The following CRACD variants were observed in gnomAD, a reference collection of about 807,000 sequenced individuals.
The protein encoded by CRACD is capping protein inhibiting regulator of actin dynamics, also known as capping protein-inhibiting regulator of actin dynamics.
A neutral mutation model predicts 106.8 loss-of-function variants in CRACD; 56 were observed. The ratio of observed to expected loss-of-function variants is 0.52; its 90% CI spans 0.42 to 0.66. CRACD has a LOEUF of 0.66. Ranked by LOEUF, CRACD falls within the 30% of genes least tolerant of loss-of-function variation. The pLI, the probability that CRACD is intolerant of heterozygous loss-of-function variation, is 0.00. For synonymous variants in CRACD, 754 were observed against 670.8 expected (o/e 1.12, Z -1.92); for missense variants, 1,730 against 1,623.2 (o/e 1.07, Z -1.13).
At chr4:56,144,719 A>G (rs1735319177) in intron 1 of CRACD, among the ~76,000 whole-genome samples, 1 of 151,158 alleles carries the variant, frequency 6.6e-6, no homozygotes, top group South Asian at 2.1e-4. Context: ...GCAGTGGCAC[A>G]ATCTCAGCTC....
At chr4:56,264,238 G>A (rs556669659) in intron 2 of CRACD, among the ~76,000 whole-genome samples, 9 of 152,072 alleles carry the variant, frequency 5.9e-5, no homozygotes, top group African/African-American at 1.9e-4. Flanking sequence ...TCCAACACTC[G>A]GGATCACAAT....
At chr4:56,296,887 G>T (rs1744072473) in intron 3 of CRACD, among the ~76,000 whole-genome samples, 1 of 151,374 alleles carries the variant, frequency 6.6e-6, no homozygotes, top group Non-Finnish European at 1.5e-5. Context: ...TACTTCTGCT[G>T]CTTCCTCTTT....
Position 56,316,705 on chromosome 4 carries a change from G to A in CRACD, c.3187+16G>A. The A allele has an allele frequency of 6.3e-7, 1 of 1,590,638 alleles. No individual in the cohort carries two copies. Among genetic ancestry groups the A allele is most frequent in the East Asian group, 2.2e-5 (1 of 44,544 alleles). ...GGGAGGAAAGGTAGGTAGCTGCAGG[G>A]TGGGTAACTGCTGCCAGCCGAGGTG... On this transcript the variant is annotated intron_variant, in intron 8 of 10. Coordinates refer to ENST00000682029, the MANE Select transcript of CRACD (RefSeq NM_001393381.1).
intron 1 of CRACD, among the ~76,000 whole-genome samples, chr4:56,093,717 G>C (rs1465731749): frequency 6.6e-6 from 1 of 152,208 alleles, no homozygotes; most frequent in Non-Finnish European, 1.5e-5. Flanking sequence ...CTACAAAAGT[G>C]ACAATATCAG....
At chr4:56,226,864 C>T (rs200257100) in intron 2 of CRACD, among the ~76,000 whole-genome samples, 1 of 143,144 alleles carries the variant, frequency 7.0e-6, no homozygotes, top group East Asian at 3.1e-4. Context: ...CTCTTTCTCT[C>T]TCTCTCTCTC....
chr4:56,060,342 A>G (rs1055102837), intron 1 of CRACD, among the ~76,000 whole-genome samples: 1 of 126,682 alleles, frequency 7.9e-6, no homozygotes, highest in Non-Finnish European at 1.6e-5. Context: ...AGTGGACTGC[A>G]ATGGACAAAG....
chr4:56,317,830 G>A (rs1244914316), intron 8 of CRACD, among the ~76,000 whole-genome samples: 1 of 146,992 alleles, frequency 6.8e-6, no homozygotes, highest in Admixed American at 7.2e-5. Context: ...CTTACCTCTG[G>A]CTGACCCTGA....
At position 56,217,373 on chromosome 4, in the gene CRACD, C is replaced by T. The variant is rs544750235; in HGVS notation, c.-189+37943C>T. Among the ~76,000 whole-genome samples the T allele has an allele frequency of 1.6e-4, 21 of 134,306 alleles. 1 individual carries two copies. The South Asian group carries it at 5.4e-3, about 35-fold the overall frequency. 88.1% of individuals were successfully genotyped at this position (134,306 alleles called of 152,430 possible). A position where few individuals can be genotyped will look rare whatever the true frequency, so the allele number is the denominator to read the frequency against. ...CTTGGTTTTATACATTTTAGAGAGA[C>T]ATAAGATATCAATCAATACATGTAA... is the stretch of plus-strand genomic sequence containing the variant. On this transcript the variant is annotated intron_variant, in intron 2 of 10. Transcript: ENST00000682029.
At chr4:56,131,866 C>T (rs2109866132) in intron 1 of CRACD, among the ~76,000 whole-genome samples, 1 of 151,992 alleles carries the variant, frequency 6.6e-6, no homozygotes, top group East Asian at 1.9e-4. Flanking sequence ...GTATATATAA[C>T]AAATACATCA....
chr4:56,125,305 A>T (rs1370586681), intron 1 of CRACD, among the ~76,000 whole-genome samples: 1 of 152,192 alleles, frequency 6.6e-6, no homozygotes, highest in Non-Finnish European at 1.5e-5. Context: ...TCCTGTAAAG[A>T]AAAGTCTTTG....
Position 56,053,862 on chromosome 4 carries a change from A to C in CRACD, c.-336+4563A>C, listed in dbSNP as rs1016523791. Among the ~76,000 whole-genome samples, 4 of 152,336 alleles carry C rather than the reference A, an allele frequency of 2.6e-5. 1 individual carries two copies. In the Middle Eastern group the frequency reaches 0.014, roughly 518 times the overall value. On this transcript the variant is annotated intron_variant, in intron 1 of 10. Transcript: ENST00000682029. ...TTTGAGTAGCCATATATTTCTGTTC[A>C]TCAGTCTTTTTAAATTAAGATTTGA... is the stretch of plus-strand genomic sequence containing the variant.
chr4:56,109,920 C>G (rs1473261288), intron 1 of CRACD, among the ~76,000 whole-genome samples: 1 of 151,732 alleles, frequency 6.6e-6, no homozygotes, highest in Non-Finnish European at 1.5e-5. Context: ...AGTAAGTTAT[C>G]AAGGAAATAA....
At chr4:56,155,191 T>TCCAA (rs1577698160) in intron 1 of CRACD, among the ~76,000 whole-genome samples, 1 of 152,198 alleles carries the variant, frequency 6.6e-6, no homozygotes, top group East Asian at 1.9e-4. Context: ...AGATCCAAGC[T>TCCAA]GAAGGAGGGG....
At position 56,088,727 on chromosome 4, in the gene CRACD, C is replaced by CT. The variant is rs749058870; in HGVS notation, c.-336+39438dup. 3.8e-4 allele frequency among the ~76,000 whole-genome samples: 56 copies of CT among 147,390 alleles called. No homozygotes were observed. In the East Asian group the frequency reaches 4.0e-3, roughly 11 times the overall value. The stretch of plus-strand genomic sequence containing the variant: ...ATAATTGAACAAATTATATACTGTA[C>CT]TTTTTTTTTTGACGGAATCTTGCTC... On this transcript the variant is annotated intron_variant, in intron 1 of 10. Coordinates refer to ENST00000682029, the MANE Select transcript of CRACD (RefSeq NM_001393381.1).
chr4:56,139,764 G>GA (rs907558696), intron 1 of CRACD, among the ~76,000 whole-genome samples: 2 of 151,712 alleles, frequency 1.3e-5, no homozygotes, highest in African/African-American at 2.4e-5. Context: ...TTACTTAAGA[G>GA]AAAAAAAATG....
chr4:56,149,661 A>G (rs1201266384), intron 1 of CRACD, among the ~76,000 whole-genome samples: 1 of 152,230 alleles, frequency 6.6e-6, no homozygotes, highest in Non-Finnish European at 1.5e-5. Context: ...TAGTACAGTG[A>G]AATAGTCTCA....
Position 56,324,185 on chromosome 4 carries a change from A to G in CRACD, c.3460A>G (p.Lys1154Glu). The stretch of plus-strand genomic sequence containing the variant: ...CAAGTCCACTGCTCTGCCAGAAGAG[A>G]AGAGGCCCGAGACTGCAGTGTCCAG... ...LHKSTALPEE[K>E]RPETAVSRLE... Residue 1154 changes from lysine (K) to glutamate (E), a missense_variant, in exon 10 of 11, where the codon AAG (lysine) becomes GAG (glutamate). Coordinates refer to ENST00000682029, the MANE Select transcript of CRACD (RefSeq NM_001393381.1). 1 of 1,614,202 alleles carries G rather than the reference A, an allele frequency of 6.2e-7. No homozygotes were observed. The highest frequency in any genetic ancestry group is 8.5e-7 in the Non-Finnish European group (1 of 1,179,996).
At chr4:56,187,898 C>G (rs957394365) in intron 2 of CRACD, among the ~76,000 whole-genome samples, 1 of 152,034 alleles carries the variant, frequency 6.6e-6, no homozygotes, top group East Asian at 1.9e-4. Context: ...AAAATGTCCT[C>G]CACTACTGTT....
chr4:56,224,917 C>G (rs1739222332), intron 2 of CRACD, among the ~76,000 whole-genome samples: 1 of 152,150 alleles, frequency 6.6e-6, no homozygotes, highest in African/African-American at 2.4e-5. Context: ...AAGTTGGGAG[C>G]CAACTGTCCT....
Sources: allele counts gnomAD v4.1 joint callset (sites outside exome capture counted in the v4.1 genomes callset), GRCh38; gene constraint gnomAD v4.1.1; transcripts MANE v1.5; gene names NCBI Gene and HGNC (gene_info 2026-07-23, HGNC 2026-07-21).